The following B4GALNT2 variants were observed in gnomAD, a reference collection of about 807,000 sequenced individuals.
B4GALNT2 encodes the protein N-acetylneuraminylgalactosylglucosyl-glucoside beta-1,4-N- acetylgalactosaminyltransferase 2.
A neutral mutation model predicts 51.1 loss-of-function variants in B4GALNT2; 42 were observed. The observed-to-expected ratio is 0.82, with a 90% CI of 0.64 to 1.06. The LOEUF (loss-of-function observed/expected upper bound fraction) is 1.06, where lower values mean the gene tolerates loss of function less well. Among genes scored for constraint, B4GALNT2 ranks in the 50% least tolerant of loss-of-function variants. B4GALNT2 has a pLI of 0.00. For missense variants in B4GALNT2, 602 were observed against 633.6 expected (o/e 0.95, Z 0.54); for synonymous variants, 253 against 251.7 (o/e 1.01, Z -0.05).
At position 49,160,478 on chromosome 17, in the gene B4GALNT2, T is replaced by C. The variant is rs2042853026; in HGVS notation, c.680-77T>C. 17 of 1,371,484 alleles carry C rather than the reference T, an allele frequency of 1.2e-5. No individual in the cohort carries two copies. The South Asian group carries it at 1.5e-4, about 12-fold the overall frequency. The allele number at this position is 1,371,484 out of a possible 1,614,324, so 85.0% of individuals were successfully genotyped here. On this transcript the variant is annotated intron_variant, in intron 6 of 10. Transcript: ENST00000393354. ...CCACCAAACCTGTACTCGCCTGTCATGGTGGCTTCCCGGGGTGGCATGGAG... is the reference window on the plus strand; with the variant it reads ...CCACCAAACCTGTACTCGCCTGTCACGGTGGCTTCCCGGGGTGGCATGGAG...
At chr17:49,144,092 T>A (rs1026660833) in intron 3 of B4GALNT2, among the ~76,000 whole-genome samples, 2 of 152,102 alleles carry the variant, frequency 1.3e-5, no homozygotes, top group Admixed American at 1.3e-4. Flanking sequence ...GAGGTTGCAG[T>A]GAGCTGAGAT....
chr17:49,164,952 C>T (rs1293125792), intron 8 of B4GALNT2, among the ~76,000 whole-genome samples: 3 of 152,092 alleles, frequency 2.0e-5, no homozygotes, highest in East Asian at 1.9e-4. Flanking sequence ...GCTGGGACTA[C>T]AGGCATGCAC....
chr17:49,133,978 G>T (rs2042566677), intron 1 of B4GALNT2, among the ~76,000 whole-genome samples: 1 of 152,146 alleles, frequency 6.6e-6, no homozygotes, highest in Non-Finnish European at 1.5e-5. Flanking sequence ...GTTGAATAGA[G>T]GATTGGCGGA....
At chr17:49,165,574 C>CCTTTCTCTCTCCCTCCCCACTCTCT (rs2042904644) in intron 8 of B4GALNT2, among the ~76,000 whole-genome samples, 1 of 121,878 alleles carries the variant, frequency 8.2e-6, no homozygotes, top group Non-Finnish European at 1.7e-5. Context: ...TCTCCCCTCA[C>CCTTTCTCTCTCCCTCCCCACTCTCT]CTTTCTCTCT....
At chr17:49,167,983 T>C (rs180949919) in intron 9 of B4GALNT2, among the ~76,000 whole-genome samples, 8 of 152,326 alleles carry the variant, frequency 5.3e-5, no homozygotes, top group Admixed American at 3.9e-4. Flanking sequence ...TATGCCTGCA[T>C]GTACCCATTG....
intron 1 of B4GALNT2, among the ~76,000 whole-genome samples, chr17:49,135,440 G>A (rs1421091274): frequency 2.0e-5 from 3 of 150,480 alleles, no homozygotes; most frequent in East Asian, 2.0e-4. Context: ...CACCATGCCC[G>A]CCTAAGATGG....
intron 4 of B4GALNT2, among the ~76,000 whole-genome samples, chr17:49,153,506 G>A (rs1340293937): frequency 7.1e-6 from 1 of 140,262 alleles, no homozygotes; most frequent in Non-Finnish European, 1.5e-5. Flanking sequence ...AGCTTGATGT[G>A]ATTTTTTTTT....
In B4GALNT2 at chr17:49,174,740, CT is replaced by C. The variant is rs1309225915; in HGVS notation, c.*5013del. On this transcript the variant is annotated 3_prime_UTR_variant, in exon 11 of 11. Transcript: ENST00000393354. ...CATTGTTCTATCCAAATTGGCTCAT[CT>C]GTTAACCATTTTAAAGGTATAGGTT... 5 of 152,184 alleles carry C rather than the reference CT, an allele frequency of 3.3e-5. No individual in the cohort carries two copies. The highest frequency in any genetic ancestry group is 5.9e-5 in the Non-Finnish European group (4 of 68,030). The allele number at this position is 152,184 out of a possible 1,614,324, so 9.4% of individuals were successfully genotyped here. A position where few individuals can be genotyped will look rare whatever the true frequency, so the allele number is the denominator to read the frequency against.
intron 8 of B4GALNT2, 129 bp downstream of exon 8, chr17:49,164,404 G>T (rs911147464): frequency 3.9e-6 from 3 of 771,764 alleles, no homozygotes; most frequent in Non-Finnish European, 4.1e-6. Context: ...AGTGGGAGTG[G>T]GTGAGGGCTG....
At chr17:49,149,519 T>C (rs1012480501) in intron 3 of B4GALNT2, among the ~76,000 whole-genome samples, 1 of 151,998 alleles carries the variant, frequency 6.6e-6, no homozygotes, top group African/African-American at 2.4e-5. Context: ...TGGTGGTGTA[T>C]GCCTGTAATC....
rs139241903 is a variant in B4GALNT2, at chr17:49,167,917, C to T, written c.1096-764C>T. ...GAGCCACCACGCCCAGCCTAACCCT[C>T]AACCACTCTTAACCTCCTACCTTTT... On this transcript the variant is annotated intron_variant, in intron 9 of 10. Coordinates refer to ENST00000393354, the MANE Select transcript of B4GALNT2 (RefSeq NM_001159387.2). Among the ~76,000 whole-genome samples the T allele has an allele frequency of 3.3e-4, 50 of 152,192 alleles. 1 individual carries two copies. In the East Asian group the frequency reaches 7.7e-3, roughly 23 times the overall value.
At chr17:49,154,646 C>T (rs578123757) in intron 4 of B4GALNT2, among the ~76,000 whole-genome samples, 3 of 152,076 alleles carry the variant, frequency 2.0e-5, no homozygotes, top group Non-Finnish European at 2.9e-5. Context: ...CGAGCTCTCT[C>T]CAGGTCCAGC....
chr17:49,138,373 G>A (rs1229919221), intron 1 of B4GALNT2, among the ~76,000 whole-genome samples: 2 of 152,178 alleles, frequency 1.3e-5, no homozygotes, highest in South Asian at 2.1e-4. Context: ...TTAAGTATCT[G>A]CCTGCCTGGG....
At chr17:49,167,345 C>T (rs1010692087) in intron 9 of B4GALNT2, among the ~76,000 whole-genome samples, 4 of 152,164 alleles carry the variant, frequency 2.6e-5, no homozygotes, top group Admixed American at 6.5e-5. Context: ...AAACGTTTCT[C>T]GCATCGGTTC....
At chr17:49,168,572 A>T (rs2042931496) in intron 9 of B4GALNT2, 109 bp from the exon 10 acceptor site, 1 of 1,073,282 alleles carries the variant, frequency 9.3e-7, no homozygotes, top group Non-Finnish European at 1.4e-6. Context: ...ATAGACAGAG[A>T]AATAACAATT....
Position 49,168,769 on chromosome 17 carries a change from G to C in B4GALNT2, c.1184G>C (p.Gly395Ala). Residue 395 changes from glycine to alanine, a missense_variant, in exon 10 of 11, where the codon GGA becomes GCA. Gly to Ala is a moderately conservative substitution (Grantham distance 60). Transcript: ENST00000393354. The stretch of plus-strand genomic sequence containing the variant: ...GGGGCCTGCCTTCACAAGAGGATGG[G>C]ATTTTTCCAACCCCTGGATGGCTTC... The part of the protein sequence containing the change: ...ENGACLHKRM[G>A]FFQPLDGFPS... The C allele has an allele frequency of 1.2e-6, 2 of 1,614,094 alleles. No individual in the cohort carries two copies. The highest frequency in any genetic ancestry group is 1.7e-6 in the Non-Finnish European group (2 of 1,180,026).
chr17:49,137,242 G>A (rs139321583), intron 1 of B4GALNT2, among the ~76,000 whole-genome samples: 12 of 152,282 alleles, frequency 7.9e-5, no homozygotes, highest in Non-Finnish European at 7.4e-5. Flanking sequence ...GAGTTCATGT[G>A]TTGGAAACTT....
At chr17:49,133,196 C>T (rs748154912) in intron 1 of B4GALNT2, 3 of 1,502,424 alleles carry the variant, frequency 2.0e-6, no homozygotes, top group Non-Finnish European at 1.8e-6. Flanking sequence ...CGTTTGCTGC[C>T]CACGGGAGGA....
chr17:49,133,145 T>C, intron 1 of B4GALNT2: 1 of 1,527,402 alleles, frequency 6.5e-7, no homozygotes, highest in Admixed American at 2.4e-5. Context: ...GCTTCGGGGC[T>C]CTCTGCTTGG....
Sources: allele counts gnomAD v4.1 joint callset (sites outside exome capture counted in the v4.1 genomes callset), GRCh38; gene constraint gnomAD v4.1.1; transcripts MANE v1.5; gene names NCBI Gene and HGNC (gene_info 2026-07-23, HGNC 2026-07-21).